LPP: variants seen among roughly 807,000 people sequenced by gnomAD.
LPP encodes lipoma-preferred partner.
Under a neutral mutation model 60.4 loss-of-function variants are expected in LPP, and 38 were observed. The observed-to-expected ratio is 0.63, with a 90% CI of 0.49 to 0.83. The LOEUF (loss-of-function observed/expected upper bound fraction) is 0.83. Ranked by LOEUF, LPP falls within the 40% of genes least tolerant of loss-of-function variation. The pLI is 0.00. For missense variants in LPP, 902 were observed against 783.6 expected, an observed-to-expected ratio of 1.15 and a Z score of -1.80; for synonymous variants, 328 against 290.8, an observed-to-expected ratio of 1.13 and a Z score of -1.30.
chr3:188,874,574 C>G lies in LPP; in HGVS notation c.*95C>G. On this transcript the variant is annotated 3_prime_UTR_variant, in exon 12 of 12. Transcript: ENST00000617246. ...AGGCCATCAAACTACGCGATAGTCT[C>G]TGTTCTTCATCTGCTATTAACCTTG... 7.3e-7 allele frequency: 1 copy of G among 1,376,312 alleles called. No homozygotes were observed. Among genetic ancestry groups the G allele is most frequent in the Non-Finnish European group, 9.9e-7 (1 of 1,008,704 alleles). The allele number at this position is 1,376,312 out of a possible 1,614,324, so 85.3% of individuals were successfully genotyped here.
intron 1 of LPP, among the ~76,000 whole-genome samples, chr3:188,185,604 C>T (rs1054391134): frequency 2.6e-5 from 4 of 152,154 alleles, no homozygotes; most frequent in African/African-American, 7.2e-5. Flanking sequence ...CATACCCTGG[C>T]TGACTTTGTG....
At chr3:188,619,568 A>T (rs187687298) in intron 7 of LPP, among the ~76,000 whole-genome samples, 26 of 152,096 alleles carry the variant, frequency 1.7e-4, no homozygotes, top group African/African-American at 5.5e-4. Flanking sequence ...ATACAGCCAT[A>T]CTCGCTTCAT....
At chr3:188,862,820 G>A (rs1560308793) in intron 9 of LPP, among the ~76,000 whole-genome samples, 1 of 151,616 alleles carries the variant, frequency 6.6e-6, no homozygotes, top group African/African-American at 2.4e-5. Context: ...GATTTGAATA[G>A]GCATATTTAG....
chr3:188,432,837 T>C (rs1218446075), intron 4 of LPP, among the ~76,000 whole-genome samples: 1 of 152,118 alleles, frequency 6.6e-6, no homozygotes, highest in African/African-American at 2.4e-5. Context: ...AATGTGTGGA[T>C]GGGAGGATTG....
chr3:188,412,844 G>T (rs1785215285), intron 4 of LPP, among the ~76,000 whole-genome samples: 1 of 152,068 alleles, frequency 6.6e-6, no homozygotes, highest in Non-Finnish European at 1.5e-5. Context: ...ACATCTTTCT[G>T]TGCTTTCTGC....
At chr3:188,833,802 A>T (rs1317022203) in intron 9 of LPP, among the ~76,000 whole-genome samples, 1 of 152,168 alleles carries the variant, frequency 6.6e-6, no homozygotes, top group East Asian at 1.9e-4. Flanking sequence ...CTATCCATTC[A>T]AGGATGTCCC....
At chr3:188,171,766 A>G (rs1424898672) in intron 1 of LPP, among the ~76,000 whole-genome samples, 2 of 152,196 alleles carry the variant, frequency 1.3e-5, no homozygotes, top group Admixed American at 6.5e-5. Context: ...GGATTGGGCA[A>G]TGCACTACTA....
At chr3:188,692,651 A>C (rs939646109) in intron 7 of LPP, among the ~76,000 whole-genome samples, 1 of 152,176 alleles carries the variant, frequency 6.6e-6, no homozygotes, top group African/African-American at 2.4e-5. Context: ...ATTTTCTACT[A>C]TATCTTCTAG....
rs1210650431 is a variant in LPP, at chr3:188,880,973, A to G, written c.*6494A>G. ...GTGAAACCCCGTCTCTACTAAAAAA[A>G]AAAAAAAATACAAAAAATTAGCCTG... On this transcript the variant is annotated 3_prime_UTR_variant, in exon 12 of 12. Transcript: ENST00000617246. 6.8e-6 allele frequency: 1 copy of G among 147,880 alleles called. No homozygotes were observed. The highest frequency in any genetic ancestry group is 2.6e-5 in the African/African-American group (1 of 38,734). 9.2% of individuals were successfully genotyped at this position (147,880 alleles called of 1,614,324 possible).
rs1346773864 is a variant in LPP, at chr3:188,565,685, A to G, written c.429+40898A>G. The stretch of plus-strand genomic sequence containing the variant: ...TCCTAAATATGTTTGTCTGATGTAT[A>G]TTATATCTTATTATGGCAAAGAAAC... On this transcript the variant is annotated intron_variant, in intron 6 of 11. Coordinates refer to ENST00000617246, the MANE Select transcript of LPP (RefSeq NM_001375462.1). Among the ~76,000 whole-genome samples, 3 of 151,966 alleles carry G rather than the reference A, an allele frequency of 2.0e-5. No individual in the cohort carries two copies. In the East Asian group the frequency reaches 5.8e-4, roughly 29 times the overall value.
intron 7 of LPP, among the ~76,000 whole-genome samples, chr3:188,661,190 G>A (rs1360109602): frequency 6.6e-6 from 1 of 152,032 alleles, no homozygotes; most frequent in Admixed American, 6.6e-5. Flanking sequence ...TCTAATGCTG[G>A]ATAATATTTT....
In LPP at chr3:188,800,324, C is replaced by G. The variant is rs571420629; in HGVS notation, c.1410+40042C>G. The stretch of plus-strand genomic sequence containing the variant: ...GCAGTGGCGCGATCTCAGCTCACTG[C>G]AAGCTCCACCTCCCAGGTTCACGCC... On this transcript the variant is annotated intron_variant, in intron 9 of 11. Transcript: ENST00000617246. Among the ~76,000 whole-genome samples, 199 of 145,732 alleles carry G rather than the reference C, an allele frequency of 1.4e-3. 2 individuals carry two copies. The highest frequency in any genetic ancestry group is 2.4e-3 in the Non-Finnish European group (159 of 67,250).
chr3:188,243,533 T>C (rs73059639), intron 2 of LPP, among the ~76,000 whole-genome samples: 2,583 of 152,314 alleles, frequency 0.017, 68 homozygotes, highest in African/African-American at 0.056. Flanking sequence ...TCGTTTCTTT[T>C]TCTCTTTCTT....
chr3:188,731,362 A>G (rs1392362670), intron 8 of LPP, among the ~76,000 whole-genome samples: 1 of 152,166 alleles, frequency 6.6e-6, no homozygotes, highest in Non-Finnish European at 1.5e-5. Context: ...TTTAACAACC[A>G]CATGAAGCTC....
chr3:188,720,738 A>G (rs1716031579), intron 8 of LPP, among the ~76,000 whole-genome samples: 1 of 152,082 alleles, frequency 6.6e-6, no homozygotes, highest in African/African-American at 2.4e-5. Flanking sequence ...ATAGTACTGT[A>G]CAGCTCTGAT....
intron 5 of LPP, among the ~76,000 whole-genome samples, chr3:188,488,926 C>T (rs1342633983): frequency 7.2e-5 from 11 of 152,130 alleles, no homozygotes; most frequent in African/African-American, 2.2e-4. Context: ...CATGATCCAC[C>T]GCGCCCGGCC....
intron 7 of LPP, among the ~76,000 whole-genome samples, chr3:188,653,213 C>T (rs1852447224): frequency 6.6e-6 from 1 of 152,202 alleles, no homozygotes; most frequent in South Asian, 2.1e-4. Context: ...TGTTGAGCAC[C>T]TCTCCTAATC....
intron 8 of LPP, among the ~76,000 whole-genome samples, chr3:188,756,434 G>A (rs1352259791): frequency 1.3e-5 from 2 of 152,238 alleles, no homozygotes; most frequent in Non-Finnish European, 2.9e-5. Flanking sequence ...ATGCCTTGAA[G>A]TTTGGTACTA....
At chr3:188,308,870 G>T (rs574195965) in intron 2 of LPP, among the ~76,000 whole-genome samples, 1 of 112,362 alleles carries the variant, frequency 8.9e-6, no homozygotes, top group African/African-American at 3.4e-5. Context: ...TCTTGTTCTT[G>T]TTCTCGTTCT....
Sources: gnomAD v4.1 joint callset for allele counts (sites outside exome capture counted in the v4.1 genomes callset) on GRCh38, gnomAD v4.1.1 for gene constraint, MANE v1.5 for transcripts, NCBI Gene and HGNC (gene_info 2026-07-23, HGNC 2026-07-21) for gene names.